MYO3B: variants seen among roughly 807,000 people sequenced by gnomAD.
The protein encoded by MYO3B is myosin IIIB.
In MYO3B, 156 loss-of-function variants were observed where a neutral mutation model predicts 174.6. The ratio of observed to expected loss-of-function variants is 0.89; its 90% CI spans 0.78 to 1.02. The LOEUF (loss-of-function observed/expected upper bound fraction) is 1.02, where lower values mean the gene tolerates loss of function less well. Among genes scored for constraint, MYO3B ranks in the 50% least tolerant of loss-of-function variants. The pLI, the probability that MYO3B is intolerant of heterozygous loss-of-function variation, is 0.00. For synonymous variants in MYO3B, 563 were observed against 569.1 expected, an observed-to-expected ratio of 0.99 and a Z score of 0.15; for missense variants, 1,632 against 1,639.4, an observed-to-expected ratio of 1.00 and a Z score of 0.08.
chr2:170,507,411 T>A (rs371087473), intron 28 of MYO3B, among the ~76,000 whole-genome samples: 83 of 152,190 alleles, frequency 5.5e-4, no homozygotes, highest in African/African-American at 2.0e-3. Flanking sequence ...TTCTTTTTCT[T>A]TTTTTTGAGA....
intron 7 of MYO3B, among the ~76,000 whole-genome samples, chr2:170,315,436 G>T (rs2093768770): frequency 6.6e-6 from 1 of 151,878 alleles, no homozygotes; most frequent in Non-Finnish European, 1.5e-5. Flanking sequence ...CTCCTGAGTA[G>T]CTGGGATCAC....
intron 30 of MYO3B, among the ~76,000 whole-genome samples, chr2:170,538,097 A>G (rs1326457970): frequency 6.6e-6 from 1 of 152,232 alleles, no homozygotes; most frequent in Non-Finnish European, 1.5e-5. Flanking sequence ...GAGGGGAGCC[A>G]GTGTGTCTCA....
chr2:170,223,957 G>C (rs769182957), intron 6 of MYO3B, among the ~76,000 whole-genome samples: 2 of 152,118 alleles, frequency 1.3e-5, no homozygotes, highest in Non-Finnish European at 1.5e-5. Context: ...AGAGCCCCTT[G>C]AGTGCTCCTC....
At chr2:170,624,895 C>G (rs1488771355) in intron 32 of MYO3B, among the ~76,000 whole-genome samples, 1 of 152,142 alleles carries the variant, frequency 6.6e-6, no homozygotes, top group African/African-American at 2.4e-5. Flanking sequence ...TTGAACCAGC[C>G]TTGCATCCCA....
At chr2:170,184,128 T>C (rs1449041513) in intron 1 of MYO3B, among the ~76,000 whole-genome samples, 1 of 152,166 alleles carries the variant, frequency 6.6e-6, no homozygotes, top group Admixed American at 6.5e-5. Flanking sequence ...GATACAGGCA[T>C]ATAATGCATA....
chr2:170,422,095 G>T (rs2094620029), intron 22 of MYO3B, among the ~76,000 whole-genome samples: 1 of 152,148 alleles, frequency 6.6e-6, no homozygotes, highest in Non-Finnish European at 1.5e-5. Flanking sequence ...GCAAATTGAG[G>T]GGTGTGCATT....
At chr2:170,532,273 G>C (rs1689400653) in intron 30 of MYO3B, among the ~76,000 whole-genome samples, 1 of 152,132 alleles carries the variant, frequency 6.6e-6, no homozygotes, top group Non-Finnish European at 1.5e-5. Flanking sequence ...AAACATGACA[G>C]AAGACTGAGA....
chr2:170,598,563 C>CT (rs1159531997), intron 32 of MYO3B, among the ~76,000 whole-genome samples: 3 of 152,220 alleles, frequency 2.0e-5, no homozygotes, highest in Non-Finnish European at 4.4e-5. Context: ...AAATTCAGAA[C>CT]TGCAGCCTTT....
chr2:170,478,364 T>G (rs1051623756), intron 25 of MYO3B, among the ~76,000 whole-genome samples: 1 of 152,112 alleles, frequency 6.6e-6, no homozygotes, highest in Non-Finnish European at 1.5e-5. Flanking sequence ...GAATGAATAT[T>G]AAGTAAATAT....
rs2092839234 is a variant in MYO3B at position 170,217,240 on chromosome 2, T to C, written c.527-79T>C. On this transcript the variant is annotated intron_variant, in intron 5 of 34. Transcript: ENST00000408978. The stretch of plus-strand genomic sequence containing the variant: ...CAAAGCCTAAAGTACTTATTTGGCC[T>C]TTGTGGAAAAAGTCTGCCGATTGCT... 2.6e-5 allele frequency: 33 copies of C among 1,275,464 alleles called. No individual in the cohort carries two copies. In the South Asian group the frequency reaches 3.5e-4, roughly 13 times the overall value. 79.0% of individuals were successfully genotyped at this position (1,275,464 alleles called of 1,614,324 possible).
chr2:170,535,594 A>G (rs960041461), intron 30 of MYO3B, among the ~76,000 whole-genome samples: 1 of 152,234 alleles, frequency 6.6e-6, no homozygotes, highest in Non-Finnish European at 1.5e-5. Context: ...CTCCGGGTCA[A>G]CCAGATCAGG....
chr2:170,195,787 G>T (rs1387881758), intron 1 of MYO3B, among the ~76,000 whole-genome samples: 1 of 152,142 alleles, frequency 6.6e-6, no homozygotes, highest in Admixed American at 6.5e-5. Context: ...CCCATAAGGA[G>T]TTTGAGCAGA....
intron 28 of MYO3B, among the ~76,000 whole-genome samples, chr2:170,507,425 A>G (rs1228584268): frequency 6.6e-6 from 1 of 151,638 alleles, no homozygotes; most frequent in East Asian, 1.9e-4. Flanking sequence ...TTTGAGATGG[A>G]GTCTCACTCT....
intron 1 of MYO3B, among the ~76,000 whole-genome samples, chr2:170,184,816 A>C (rs186939146): frequency 6.6e-6 from 1 of 152,238 alleles, no homozygotes; most frequent in Admixed American, 6.5e-5. Context: ...AGTGTACAAG[A>C]GTCTACTTTT....
intron 8 of MYO3B, among the ~76,000 whole-genome samples, chr2:170,352,693 CA>C (rs2094085013): frequency 6.6e-6 from 1 of 152,156 alleles, no homozygotes; most frequent in Non-Finnish European, 1.5e-5. Context: ...TGATATCAAC[CA>C]GCTCACAGAA....
At chr2:170,330,839 A>G (rs2093906528) in intron 7 of MYO3B, among the ~76,000 whole-genome samples, 1 of 147,832 alleles carries the variant, frequency 6.8e-6, no homozygotes, top group Non-Finnish European at 1.5e-5. Flanking sequence ...TGAATAATTT[A>G]GTTGGAATTT....
At chr2:170,301,874 CTTTTTTTT>C (rs10538086) in intron 7 of MYO3B, among the ~76,000 whole-genome samples, 1 of 74,740 alleles carries the variant, frequency 1.3e-5, no homozygotes, top group Non-Finnish European at 2.4e-5. Flanking sequence ...AAAGTGGAGG[CTTTTTTTT>C]TTTTTTTTTT....
chr2:170,233,936 C>A (rs1034519498), intron 6 of MYO3B, among the ~76,000 whole-genome samples: 5 of 151,998 alleles, frequency 3.3e-5, no homozygotes, highest in African/African-American at 9.7e-5. Flanking sequence ...CTTTGGGAGG[C>A]CGAGGCGGGT....
intron 8 of MYO3B, among the ~76,000 whole-genome samples, chr2:170,364,396 C>A (rs1850686): frequency 0.18 from 27,470 of 152,140 alleles, 2,596 homozygotes; most frequent in Middle Eastern, 0.24. Flanking sequence ...ACTCTTTTGA[C>A]TAGGAAACTA....
Sources: allele counts gnomAD v4.1 joint callset (sites outside exome capture counted in the v4.1 genomes callset), GRCh38; gene constraint gnomAD v4.1.1; transcripts MANE v1.5; gene names NCBI Gene and HGNC (gene_info 2026-07-23, HGNC 2026-07-21).